HSD17B3: variants seen among roughly 807,000 people sequenced by gnomAD.
HSD17B3 encodes 17-beta-hydroxysteroid dehydrogenase type 3.
HSD17B3 carries 29 observed loss-of-function variants against 41.1 expected under a neutral mutation model. The observed-to-expected ratio is 0.71, with a 90% CI of 0.53 to 0.96. The LOEUF (loss-of-function observed/expected upper bound fraction) is 0.96, where lower values mean the gene tolerates loss of function less well. Ranked by LOEUF, HSD17B3 falls within the 40% of genes least tolerant of loss-of-function variation. The pLI is 0.00. For missense variants in HSD17B3, 323 were observed against 374.6 expected, an observed-to-expected ratio of 0.86 and a Z score of 1.14; for synonymous variants, 126 against 145.6, an observed-to-expected ratio of 0.87 and a Z score of 0.97.
At chr9:96,274,692 T>C (rs995800640) in intron 2 of HSD17B3, among the ~76,000 whole-genome samples, 1 of 152,048 alleles carries the variant, frequency 6.6e-6, no homozygotes, top group Non-Finnish European at 1.5e-5. Flanking sequence ...TTTGAAATTA[T>C]CCAGTCAGAG....
chr9:96,252,643 T>G (rs1825467535), intron 4 of HSD17B3, among the ~76,000 whole-genome samples, 160 bp downstream of exon 4: 1 of 152,068 alleles, frequency 6.6e-6, no homozygotes, highest in African/African-American at 2.4e-5. Flanking sequence ...CAGTAATGCC[T>G]CTAGAAGAAG....
At chr9:96,278,865 C>T (rs1258852115) in intron 2 of HSD17B3, among the ~76,000 whole-genome samples, 2 of 152,200 alleles carry the variant, frequency 1.3e-5, no homozygotes, top group Non-Finnish European at 2.9e-5. Context: ...CTCTACCACA[C>T]CTAAAACATC....
At chr9:96,236,709 G>A (rs1028341336) in intron 10 of HSD17B3, among the ~76,000 whole-genome samples, 1 of 152,030 alleles carries the variant, frequency 6.6e-6, no homozygotes. Context: ...TTTTCAAAGA[G>A]GGGGAAGCCT....
At chr9:96,296,856 A>G (rs1041759131) in intron 2 of HSD17B3, among the ~76,000 whole-genome samples, 8 of 152,120 alleles carry the variant, frequency 5.3e-5, no homozygotes, top group Non-Finnish European at 8.8e-5. Flanking sequence ...AGCCTGGACA[A>G]CAGAGGAACA....
intron 2 of HSD17B3, among the ~76,000 whole-genome samples, chr9:96,264,565 G>A (rs1825984528): frequency 6.6e-6 from 1 of 152,148 alleles, no homozygotes; most frequent in African/African-American, 2.4e-5. Context: ...TAGAGACGGG[G>A]TTTTGCCATG....
At chr9:96,248,931 A>AG (rs1836782966) in intron 6 of HSD17B3, among the ~76,000 whole-genome samples, 1 of 149,456 alleles carries the variant, frequency 6.7e-6, no homozygotes, top group South Asian at 2.1e-4. Flanking sequence ...TTGGAGACAG[A>AG]GACTTTCTCT....
intron 1 of HSD17B3, among the ~76,000 whole-genome samples, chr9:96,301,099 A>G (rs1827580578): frequency 6.6e-6 from 1 of 152,206 alleles, no homozygotes; most frequent in South Asian, 2.1e-4. Context: ...GGTTGAGAGG[A>G]TAAGTGCTTA....
chr9:96,251,152 C>A (rs1476237468), intron 5 of HSD17B3: 1 of 545,288 alleles, frequency 1.8e-6, no homozygotes. Context: ...GTGCAGCACC[C>A]CAGAAGCATA....
In HSD17B3 at chr9:96,235,423, G is replaced by A; in HGVS notation, c.*37C>T. ...GTCCTCTTCAGCCAGCATGGGACTG[G>A]TGAGGAAAAGGTTGTGCTGGACTCC... On this transcript the variant is annotated 3_prime_UTR_variant, in exon 11 of 11. Transcript: ENST00000375263. The A allele has an allele frequency of 7.0e-7, 1 of 1,420,900 alleles. No individual in the cohort carries two copies. The highest frequency in any genetic ancestry group is 2.3e-5 in the East Asian group (1 of 43,514). 88.0% of individuals were successfully genotyped at this position (1,420,900 alleles called of 1,614,324 possible).
intron 2 of HSD17B3, among the ~76,000 whole-genome samples, chr9:96,266,721 GC>G (rs1482381972): frequency 1.3e-5 from 2 of 152,112 alleles, no homozygotes; most frequent in Admixed American, 6.5e-5. Context: ...GGAGAGAGAA[GC>G]TAGACTCAGG....
chr9:96,298,589 C>A (rs1587798872), intron 1 of HSD17B3, 127 bp from the exon 2 acceptor site: 2 of 795,874 alleles, frequency 2.5e-6, no homozygotes, highest in Non-Finnish European at 4.5e-6. Context: ...TCCCTTTGCT[C>A]TCCAGCCCAC....
At chr9:96,255,064 T>A (rs1825575421) in intron 2 of HSD17B3, 121 bp from the exon 3 acceptor site, 2 of 822,772 alleles carry the variant, frequency 2.4e-6, no homozygotes, top group Non-Finnish European at 4.1e-6. Context: ...TTGCTTCACC[T>A]GGGTTTAAGT....
intron 10 of HSD17B3, among the ~76,000 whole-genome samples, chr9:96,238,183 T>A (rs936080474): frequency 4.6e-5 from 7 of 152,240 alleles, no homozygotes; most frequent in South Asian, 2.1e-4. Flanking sequence ...AATAAAATTT[T>A]ATTCCATTTT....
At chr9:96,241,050 C>T in intron 9 of HSD17B3, 143 bp from the exon 10 acceptor site, 2 of 974,348 alleles carry the variant, frequency 2.1e-6, no homozygotes, top group South Asian at 3.0e-5. Flanking sequence ...TGGAAAAAGG[C>T]ACAGTACCGG....
intron 10 of HSD17B3, among the ~76,000 whole-genome samples, chr9:96,238,951 AG>A (rs1386253195): frequency 5.3e-5 from 8 of 152,236 alleles, no homozygotes; most frequent in African/African-American, 1.9e-4. Flanking sequence ...AGCTTCCTTC[AG>A]GTCCACGTTG....
intron 2 of HSD17B3, among the ~76,000 whole-genome samples, chr9:96,270,774 T>C (rs1022263704): frequency 6.6e-6 from 1 of 152,264 alleles, no homozygotes; most frequent in Admixed American, 6.5e-5. Flanking sequence ...GAGATGGCAC[T>C]AGAATGGCCC....
chr9:96,275,887 G>T (rs925017343), intron 2 of HSD17B3, among the ~76,000 whole-genome samples: 1 of 151,934 alleles, frequency 6.6e-6, no homozygotes, highest in African/African-American at 2.4e-5. Context: ...ACAATAGTAA[G>T]TCCTCACCTA....
chr9:96,297,771 G>A (rs767662695), intron 2 of HSD17B3, among the ~76,000 whole-genome samples: 2 of 152,100 alleles, frequency 1.3e-5, no homozygotes, highest in Non-Finnish European at 2.9e-5. Flanking sequence ...AAATACATAG[G>A]AATTCCAGGA....
intron 1 of HSD17B3, 123 bp downstream of exon 1, chr9:96,301,828 C>A (rs1340519459): frequency 9.3e-7 from 1 of 1,070,516 alleles, no homozygotes; most frequent in African/African-American, 1.6e-5. Flanking sequence ...TTGCAGTGAG[C>A]CAAGATCGCG....
Sources: allele counts gnomAD v4.1 joint callset (sites outside exome capture counted in the v4.1 genomes callset), GRCh38; gene constraint gnomAD v4.1.1; transcripts MANE v1.5; gene names NCBI Gene and HGNC (gene_info 2026-07-23, HGNC 2026-07-21).